UBE3D: variants seen among roughly 807,000 people sequenced by gnomAD.
The protein encoded by UBE3D is E3 ubiquitin-protein ligase E3D.
UBE3D carries 48 observed loss-of-function variants against 49.6 expected under a neutral mutation model. The ratio of observed to expected loss-of-function variants is 0.97; its 90% CI spans 0.77 to 1.23. The LOEUF is 1.23. UBE3D is among the 50% of genes most tolerant of loss of function. The pLI is 0.00. For synonymous variants in UBE3D, 189 were observed against 174.2 expected (o/e 1.08, Z -0.67); for missense variants, 452 against 468.4 (o/e 0.96, Z 0.32).
At chr6:83,010,504 A>G (rs1242468138) in intron 8 of UBE3D, among the ~76,000 whole-genome samples, 3 of 152,242 alleles carry the variant, frequency 2.0e-5, no homozygotes, top group Non-Finnish European at 4.4e-5. Flanking sequence ...AATTTTTTAA[A>G]AAGTAAATAT....
intron 9 of UBE3D, among the ~76,000 whole-genome samples, chr6:82,906,931 G>A (rs1772143449): frequency 6.6e-6 from 1 of 152,150 alleles, no homozygotes. Context: ...GAAAGTTCAT[G>A]AGTCCCTCCC....
intron 8 of UBE3D, among the ~76,000 whole-genome samples, chr6:83,011,849 A>G (rs1780357129): frequency 2.0e-5 from 3 of 152,080 alleles, no homozygotes; most frequent in African/African-American, 7.2e-5. Flanking sequence ...GTGATGGTGA[A>G]TGGTGCCACT....
At chr6:82,930,482 T>TTAGG (rs1175454253) in intron 9 of UBE3D, among the ~76,000 whole-genome samples, 4 of 152,146 alleles carry the variant, frequency 2.6e-5, no homozygotes, top group African/African-American at 7.2e-5. Flanking sequence ...GTTTGGAACT[T>TTAGG]CCTAGAGACT....
chr6:82,909,655 C>T (rs1294177801), intron 9 of UBE3D, among the ~76,000 whole-genome samples: 1 of 152,202 alleles, frequency 6.6e-6, no homozygotes, highest in Non-Finnish European at 1.5e-5. Context: ...AATTAGAACT[C>T]TTAGGTTGGA....
chr6:83,057,876 A>G lies in UBE3D; in HGVS notation c.224T>C (p.Val75Ala), dbSNP rs1783912388. 1.2e-6 allele frequency: 2 copies of G among 1,614,066 alleles called. No homozygotes were observed. Among genetic ancestry groups the G allele is most frequent in the Non-Finnish European group, 1.7e-6 (2 of 1,180,036 alleles). The change falls in exon 2 of 10, where the codon GTT becomes GCT. Residue 75 changes from valine to alanine, a missense_variant. Coordinates refer to ENST00000369747, the MANE Select transcript of UBE3D (RefSeq NM_198920.3). ...CAGTCGCAGGTGCAGTCCATCTCCAACAACAAACTGTAGCCCACGGCAAGA... is the reference window on the plus strand; with the variant it reads ...CAGTCGCAGGTGCAGTCCATCTCCAGCAACAAACTGTAGCCCACGGCAAGA... ...PSSCRGLQFV[V>A]GDGLHLRLQT...
At chr6:83,031,307 C>T (rs867300011) in intron 5 of UBE3D, among the ~76,000 whole-genome samples, 1 of 152,206 alleles carries the variant, frequency 6.6e-6, no homozygotes, top group Admixed American at 6.5e-5. Context: ...CCATACCCAG[C>T]CTGGCGGAAG....
In UBE3D at chr6:83,034,496, C is replaced by A. The variant is rs1424013904; in HGVS notation, c.667+3920G>T. 2.0e-5 allele frequency among the ~76,000 whole-genome samples: 3 copies of A among 152,152 alleles called. No individual in the cohort carries two copies. The East Asian group carries it at 5.8e-4, about 29-fold the overall frequency. Reference sequence around the variant, plus strand: ...ATCTAGTTTGGCTCTGTGTCCCCACCCAAATCTCATGTCAAGTTGTAATCC... The same window carrying A: ...ATCTAGTTTGGCTCTGTGTCCCCACACAAATCTCATGTCAAGTTGTAATCC... On this transcript the variant is annotated intron_variant, in intron 5 of 9. Transcript: ENST00000369747.
At chr6:82,993,134 G>C (rs1779010762) in intron 8 of UBE3D, among the ~76,000 whole-genome samples, 2 of 151,970 alleles carry the variant, frequency 1.3e-5, no homozygotes, top group East Asian at 1.9e-4. Context: ...GAGAGAGAGA[G>C]AGAGAGACAG....
chr6:82,954,827 T>C (rs1776046737), intron 9 of UBE3D, among the ~76,000 whole-genome samples: 1 of 152,196 alleles, frequency 6.6e-6, no homozygotes, highest in Non-Finnish European at 1.5e-5. Context: ...TGATCCTTCA[T>C]CTTGGAGTGA....
At position 82,985,008 on chromosome 6, in the gene UBE3D, CTTTTTT is replaced by C. The variant is rs70987727; in HGVS notation, c.1011-27564_1011-27559del. On this transcript the variant is annotated intron_variant, in intron 8 of 9. Coordinates refer to ENST00000369747, the MANE Select transcript of UBE3D (RefSeq NM_198920.3). ...AATTTTTTTCTTTCTTCTTCTTCTT[CTTTTTT>C]TTTTTTTTTTTTTTTTTTGGTAGAG... Among the ~76,000 whole-genome samples, 66 of 52,994 alleles carry C rather than the reference CTTTTTT, an allele frequency of 1.2e-3. 1 individual carries two copies. The highest frequency in any genetic ancestry group is 4.5e-3 in the African/African-American group (62 of 13,640). 34.8% of individuals were successfully genotyped at this position (52,994 alleles called of 152,430 possible). A position where few individuals can be genotyped will look rare whatever the true frequency, so the allele number is the denominator to read the frequency against.
chr6:83,064,083 C>G (rs1375806911), intron 1 of UBE3D, among the ~76,000 whole-genome samples: 1 of 152,072 alleles, frequency 6.6e-6, no homozygotes, highest in Non-Finnish European at 1.5e-5. Flanking sequence ...TATGCAGCCA[C>G]ATAGATGGAA....
At chr6:82,964,171 CCTAT>C (rs1776746257) in intron 8 of UBE3D, among the ~76,000 whole-genome samples, 2 of 152,130 alleles carry the variant, frequency 1.3e-5, no homozygotes, top group East Asian at 3.9e-4. Flanking sequence ...GCAACTACGG[CCTAT>C]CTATTTTCAA....
chr6:82,998,705 A>G (rs1483280878), intron 8 of UBE3D, among the ~76,000 whole-genome samples: 1 of 152,212 alleles, frequency 6.6e-6, no homozygotes, highest in Non-Finnish European at 1.5e-5. Context: ...ACCAGATCTA[A>G]GTTTCAGTAA....
intron 5 of UBE3D, among the ~76,000 whole-genome samples, chr6:83,029,413 T>A (rs374756837): frequency 1.8e-4 from 28 of 152,336 alleles, no homozygotes; most frequent in African/African-American, 6.7e-4. Flanking sequence ...TCTTTACGGT[T>A]ACAGTACATT....
chr6:83,018,901 A>T, intron 8 of UBE3D, 72 bp downstream of exon 8: 1 of 1,561,396 alleles, frequency 6.4e-7, no homozygotes, highest in Non-Finnish European at 8.7e-7. Context: ...TTAATTCATT[A>T]ATTTCTTAAC....
rs146017023 is a variant in UBE3D, at chr6:82,902,032, T to A, written c.1150-8990A>T. The stretch of plus-strand genomic sequence containing the variant: ...TGGCATATGACTAGACTGTGGCATA[T>A]CACATATGACTACATTCTTTTCTAA... On this transcript the variant is annotated intron_variant, in intron 9 of 9. Transcript: ENST00000369747. Among the ~76,000 whole-genome samples the A allele has an allele frequency of 7.8e-3, 1,181 of 152,296 alleles. 16 individuals are homozygous for A. The highest frequency in any genetic ancestry group is 0.027 in the African/African-American group (1,117 of 41,556).
At chr6:83,006,214 G>GA (rs774570184) in intron 8 of UBE3D, among the ~76,000 whole-genome samples, 1 of 152,078 alleles carries the variant, frequency 6.6e-6, no homozygotes, top group Non-Finnish European at 1.5e-5. Context: ...GACAGAGTGA[G>GA]ACTCTGTTTC....
intron 8 of UBE3D, among the ~76,000 whole-genome samples, chr6:82,968,576 G>A (rs1046113395): frequency 6.6e-6 from 1 of 152,094 alleles, no homozygotes; most frequent in African/African-American, 2.4e-5. Flanking sequence ...TCTCAAGAGT[G>A]GTAATATCAG....
chr6:82,931,793 G>A (rs1774172566), intron 9 of UBE3D, among the ~76,000 whole-genome samples: 1 of 152,162 alleles, frequency 6.6e-6, no homozygotes, highest in Non-Finnish European at 1.5e-5. Flanking sequence ...TATCTCAGAT[G>A]AGACTTTGGA....
Sources: gnomAD v4.1 joint callset for allele counts (sites outside exome capture counted in the v4.1 genomes callset) on GRCh38, gnomAD v4.1.1 for gene constraint, MANE v1.5 for transcripts, NCBI Gene and HGNC (gene_info 2026-07-23, HGNC 2026-07-21) for gene names.